The following KIF3A variants were observed in gnomAD, a reference collection of about 807,000 sequenced individuals.
The protein encoded by KIF3A is kinesin-like protein KIF3A.
Under a neutral mutation model 92.6 loss-of-function variants are expected in KIF3A, and 27 were observed. That is an observed-to-expected ratio of 0.29 (90% CI 0.21 to 0.40). The LOEUF (loss-of-function observed/expected upper bound fraction) is 0.40. Among genes scored for constraint, KIF3A ranks in the 10% least tolerant of loss-of-function variants. The pLI is 1.00. For synonymous variants in KIF3A, 250 were observed against 275.4 expected (o/e 0.91, Z 0.92); for missense variants, 581 against 872.6 (o/e 0.67, Z 4.21).
chr5:132,731,454 T>C (rs1415260183), intron 2 of KIF3A, among the ~76,000 whole-genome samples: 1 of 151,898 alleles, frequency 6.6e-6, no homozygotes. Context: ...CAATATACAA[T>C]CCAAAAACTC....
At chr5:132,721,352 T>C (rs1346644734) in intron 4 of KIF3A, 1 of 152,220 alleles carries the variant, frequency 6.6e-6, no homozygotes, top group Admixed American at 6.5e-5. Flanking sequence ...AAAATGTATT[T>C]AGGATGGATT....
intron 1 of KIF3A, among the ~76,000 whole-genome samples, chr5:132,735,983 A>C (rs1247884472): frequency 6.6e-6 from 1 of 152,146 alleles, no homozygotes; most frequent in African/African-American, 2.4e-5. Flanking sequence ...TCTACCTAGA[A>C]CCATCTTCAA....
chr5:132,717,759 A>G (rs1034887020), intron 5 of KIF3A, among the ~76,000 whole-genome samples: 2 of 152,162 alleles, frequency 1.3e-5, no homozygotes, highest in Non-Finnish European at 2.9e-5. Flanking sequence ...CTTAAATTCC[A>G]AAGTATTTTA....
At chr5:132,696,829 A>G in intron 18 of KIF3A, 147 bp from the exon 19 acceptor site, 3 of 610,868 alleles carry the variant, frequency 4.9e-6, no homozygotes, top group Non-Finnish European at 3.0e-6. Flanking sequence ...TAAGTGTTCA[A>G]TTAATGCTCG....
At chr5:132,689,249 G>A (rs1459587760), downstream of KIF3A, among the ~76,000 whole-genome samples, 5 of 152,212 alleles carry the variant, frequency 3.3e-5, no homozygotes, top group East Asian at 3.8e-4. Flanking sequence ...CCTCCAGCTC[G>A]CTTTAAGTTC....
At position 132,708,937 on chromosome 5, in the gene KIF3A, T is replaced by A; in HGVS notation, c.1270A>T (p.Ile424Leu). The A allele has an allele frequency of 6.5e-7, 1 of 1,550,338 alleles. No individual in the cohort carries two copies. The highest frequency in any genetic ancestry group is 8.7e-7 in the Non-Finnish European group (1 of 1,146,794). ...SSSSDSTCSV[I>L]EKPLDKFLPN... is the part of the protein sequence containing the mutation. ...AAGAACTTATCCAGAGGTTTCTCTA[T>A]GACAGAACATGTGGAGTCTGAACTA... is the stretch of plus-strand genomic sequence containing the variant. Residue 424 changes from isoleucine to leucine, a missense_variant, in exon 10 of 19, where the codon ATA becomes TTA. Physicochemically the swap from Ile to Leu is conservative, Grantham distance 5. This residue lies in a region of KIF3A where 167 missense variants were observed against 205.8 expected (regional missense o/e 0.81). Transcript: ENST00000403231.
At chr5:132,701,912 C>A (rs1417255694) in intron 15 of KIF3A, among the ~76,000 whole-genome samples, 175 bp downstream of exon 15, 1 of 152,100 alleles carries the variant, frequency 6.6e-6, no homozygotes, top group Non-Finnish European at 1.5e-5. Context: ...GCTAGATACT[C>A]AAACAGAGAT....
rs1359439882 is a variant in KIF3A, at chr5:132,700,296, A to G, written c.1939-12T>C. Reference sequence around the variant, plus strand: ...TAAGCAACACATTTCTCAAAAAAAGAAAAGGGAGAGACAGAGAAATGTCTT... The same window carrying G: ...TAAGCAACACATTTCTCAAAAAAAGGAAAGGGAGAGACAGAGAAATGTCTT... On this transcript the variant is annotated splice_polypyrimidine_tract_variant and intron_variant, in intron 16 of 18. Coordinates refer to ENST00000403231, the MANE Select transcript of KIF3A (RefSeq NM_001300791.2). 1 of 1,540,126 alleles carries G rather than the reference A, an allele frequency of 6.5e-7. No homozygotes were observed. The highest frequency in any genetic ancestry group is 8.9e-7 in the Non-Finnish European group (1 of 1,122,248).
Position 132,702,142 on chromosome 5 carries a change from C to G in KIF3A, c.1829G>C (p.Arg610Pro). ...AATAAGCATCTGAAGTCGAAGCTCC[C>G]GGCTAAGTTGCCGAATGTTCTCCAG... Reference protein sequence around the residue: ...GLLENIRQLSRELRLQMLIID... With the variant: ...GLLENIRQLSPELRLQMLIID... The change falls in exon 15 of 19, where the codon CGG (arginine) becomes CCG (proline). Residue 610 changes from arginine to proline, a missense_variant. Coordinates refer to ENST00000403231, the MANE Select transcript of KIF3A (RefSeq NM_001300791.2). 1 of 1,613,804 alleles carries G rather than the reference C, an allele frequency of 6.2e-7. No individual in the cohort carries two copies. Among genetic ancestry groups the G allele is most frequent in the Non-Finnish European group, 8.5e-7 (1 of 1,179,770 alleles).
At chr5:132,715,467 T>C (rs548326029) in intron 8 of KIF3A, among the ~76,000 whole-genome samples, 1 of 152,336 alleles carries the variant, frequency 6.6e-6, no homozygotes, top group East Asian at 1.9e-4. Flanking sequence ...TTTGCTCTTA[T>C]ACAGAGACAA....
At chr5:132,715,690 G>C in intron 8 of KIF3A, 67 bp downstream of exon 8, 2 of 1,227,808 alleles carry the variant, frequency 1.6e-6, no homozygotes, top group Admixed American at 2.4e-5. Context: ...GCTTTTGTTA[G>C]AACAGTTAGT....
downstream of KIF3A, among the ~76,000 whole-genome samples, chr5:132,690,009 G>C (rs966181894): frequency 6.6e-6 from 1 of 152,202 alleles, no homozygotes; most frequent in South Asian, 2.1e-4. Context: ...CACGAGGTCA[G>C]AAGTTTGAAA....
At chr5:132,735,939 C>A (rs1490060482) in intron 1 of KIF3A, among the ~76,000 whole-genome samples, 1 of 152,222 alleles carries the variant, frequency 6.6e-6, no homozygotes, top group Non-Finnish European at 1.5e-5. Context: ...TGTCACCATG[C>A]TCCTCACCAC....
rs559265301 is a variant in KIF3A, at chr5:132,735,528, T to C, written c.7-1050A>G. 9.8e-5 allele frequency among the ~76,000 whole-genome samples: 15 copies of C among 152,352 alleles called. 1 individual carries two copies. In the South Asian group the frequency reaches 2.9e-3, roughly 29 times the overall value. On this transcript the variant is annotated intron_variant, in intron 1 of 18. Transcript: ENST00000403231. The stretch of plus-strand genomic sequence containing the variant: ...GAGAAACAAATATGAGTCATTGTCA[T>C]TGACTCTGACATTGTCACTGACAAG...
intron 4 of KIF3A, among the ~76,000 whole-genome samples, chr5:132,722,713 C>T (rs1226992754): frequency 6.6e-6 from 1 of 152,024 alleles, no homozygotes; most frequent in Non-Finnish European, 1.5e-5. Flanking sequence ...CACAGAAAAA[C>T]TGAGGGAAGA....
At chr5:132,725,270 C>T (rs552464677) in intron 4 of KIF3A, among the ~76,000 whole-genome samples, 18 of 152,104 alleles carry the variant, frequency 1.2e-4, no homozygotes, top group Middle Eastern at 3.4e-3. Context: ...TTCATGAGGT[C>T]CAACAAGCAC....
intron 1 of KIF3A, among the ~76,000 whole-genome samples, chr5:132,736,270 T>C (rs369196425): frequency 5.6e-4 from 86 of 152,354 alleles, no homozygotes; most frequent in African/African-American, 2.0e-3. Flanking sequence ...AATTAGTTGC[T>C]AAAATTGAGA....
chr5:132,697,594 T>A (rs1198640634), intron 18 of KIF3A: 1 of 152,080 alleles, frequency 6.6e-6, no homozygotes, highest in Non-Finnish European at 1.5e-5. Context: ...GGTGGGCAGA[T>A]CACCTGAAGT....
intron 4 of KIF3A, chr5:132,722,975 A>T (rs1753875092): frequency 6.6e-6 from 1 of 152,136 alleles, no homozygotes; most frequent in Admixed American, 6.5e-5. Context: ...ATTCTCCTTT[A>T]TATTACAGTA....
Sources: gnomAD v4.1 joint callset for allele counts (sites outside exome capture counted in the v4.1 genomes callset) on GRCh38, gnomAD v4.1.1 for gene constraint, gnomAD v4.1.1 regional missense constraint, MANE v1.5 for transcripts, NCBI Gene and HGNC (gene_info 2026-07-23, HGNC 2026-07-21) for gene names.